LRRC4C: variants seen among roughly 807,000 people sequenced by gnomAD.
LRRC4C encodes leucine rich repeat containing 4C, also known as leucine-rich repeat-containing protein 4C.
LRRC4C carries 5 observed loss-of-function variants against 33.6 expected under a neutral mutation model. The ratio of observed to expected loss-of-function variants is 0.15; its 90% CI spans 0.08 to 0.31. The LOEUF (loss-of-function observed/expected upper bound fraction) is 0.31, where lower values mean the gene tolerates loss of function less well. Ranked by LOEUF, LRRC4C falls within the 10% of genes least tolerant of loss-of-function variation. The pLI is 1.00. For synonymous variants in LRRC4C, 329 were observed against 302.0 expected (o/e 1.09, Z -0.93); for missense variants, 560 against 796.7 (o/e 0.70, Z 3.58).
intron 1 of LRRC4C, among the ~76,000 whole-genome samples, chr11:41,416,373 A>G (rs185706366): frequency 3.2e-4 from 49 of 152,156 alleles, no homozygotes; most frequent in Non-Finnish European, 6.2e-4. Context: ...AGTACAATGA[A>G]GAAATTGAGG....
chr11:41,401,093 T>C (rs1444214470), intron 1 of LRRC4C, among the ~76,000 whole-genome samples: 3 of 151,998 alleles, frequency 2.0e-5, no homozygotes, highest in East Asian at 3.9e-4. Flanking sequence ...GAAGATATGT[T>C]TTAGAAGGAA....
intron 1 of LRRC4C, among the ~76,000 whole-genome samples, chr11:41,449,570 C>T (rs1364030766): frequency 6.6e-6 from 1 of 151,842 alleles, no homozygotes; most frequent in Non-Finnish European, 1.5e-5. Context: ...GGAACCATAC[C>T]CAGGCCCAGA....
At chr11:40,420,588 A>C (rs533165940) in intron 3 of LRRC4C, among the ~76,000 whole-genome samples, 7 of 152,342 alleles carry the variant, frequency 4.6e-5, no homozygotes, top group Admixed American at 2.6e-4. Flanking sequence ...CATCTGGCAG[A>C]GAAACTGAGT....
At chr11:41,151,683 T>G (rs1944006276) in intron 1 of LRRC4C, among the ~76,000 whole-genome samples, 1 of 152,150 alleles carries the variant, frequency 6.6e-6, no homozygotes, top group Non-Finnish European at 1.5e-5. Context: ...ACAGTATATA[T>G]TCTGTCAACA....
At chr11:40,766,497 C>A (rs1949470706) in intron 2 of LRRC4C, among the ~76,000 whole-genome samples, 1 of 150,572 alleles carries the variant, frequency 6.6e-6, no homozygotes, top group Non-Finnish European at 1.5e-5. Context: ...CTACTTATGT[C>A]TTGATTATAA....
intron 1 of LRRC4C, among the ~76,000 whole-genome samples, chr11:41,030,250 T>A (rs764404091): frequency 2.6e-5 from 4 of 151,870 alleles, no homozygotes; most frequent in Non-Finnish European, 5.9e-5. Flanking sequence ...TGCATTTTCA[T>A]TCATTATTTT....
chr11:40,529,701 A>C (rs184146080), intron 3 of LRRC4C, among the ~76,000 whole-genome samples: 8 of 152,296 alleles, frequency 5.3e-5, no homozygotes, highest in Admixed American at 5.2e-4. Flanking sequence ...AAAACACTGC[A>C]TTGAACTTAT....
intron 1 of LRRC4C, among the ~76,000 whole-genome samples, chr11:41,095,293 C>A (rs1473072988): frequency 6.6e-6 from 1 of 152,104 alleles, no homozygotes; most frequent in Non-Finnish European, 1.5e-5. Flanking sequence ...GGGGGAAAAT[C>A]CACCCCCATA....
At chr11:40,587,742 T>A (rs1383830198) in intron 3 of LRRC4C, among the ~76,000 whole-genome samples, 1 of 152,008 alleles carries the variant, frequency 6.6e-6, no homozygotes, top group Non-Finnish European at 1.5e-5. Flanking sequence ...ATCATGTGGT[T>A]TTTGTCTTTG....
intron 3 of LRRC4C, among the ~76,000 whole-genome samples, chr11:40,375,842 C>A (rs1480476734): frequency 1.3e-5 from 2 of 152,098 alleles, no homozygotes; most frequent in African/African-American, 4.8e-5. Flanking sequence ...AACTAGGAAA[C>A]CTGGTTTCAA....
intron 4 of LRRC4C, among the ~76,000 whole-genome samples, chr11:40,274,127 C>T (rs1047777795): frequency 6.6e-6 from 1 of 151,944 alleles, no homozygotes; most frequent in African/African-American, 2.4e-5. Flanking sequence ...TTTCTGTGGT[C>T]ACAAAGAATG....
chr11:41,048,258 T>C (rs1269939060), intron 1 of LRRC4C, among the ~76,000 whole-genome samples: 2 of 106,586 alleles, frequency 1.9e-5, no homozygotes, highest in African/African-American at 3.7e-5. Context: ...TTAGATTCTT[T>C]ACTTTTTTTT....
At chr11:40,430,309 C>T (rs901489361) in intron 3 of LRRC4C, among the ~76,000 whole-genome samples, 3 of 151,938 alleles carry the variant, frequency 2.0e-5, no homozygotes, top group African/African-American at 7.3e-5. Flanking sequence ...TATTAATGTC[C>T]TAGAAGAAAG....
rs547246768 is a variant in LRRC4C, at chr11:40,809,750, A to G, written c.-407+123885T>C. Among the ~76,000 whole-genome samples the G allele has an allele frequency of 2.0e-5, 3 of 152,330 alleles. No homozygotes were observed. The South Asian group carries it at 6.2e-4, about 32-fold the overall frequency. On this transcript the variant is annotated intron_variant, in intron 2 of 6. Coordinates refer to ENST00000528697, the MANE Select transcript of LRRC4C (RefSeq NM_001258419.2). ...TAATTTATTGTCTCTATATTGCCAG[A>G]TCCTGGCATCATGCCTTACAAAGTG...
intron 3 of LRRC4C, among the ~76,000 whole-genome samples, chr11:40,450,239 G>C (rs1191704427): frequency 2.0e-5 from 3 of 152,118 alleles, no homozygotes; most frequent in Admixed American, 2.0e-4. Flanking sequence ...TTCATTCTCA[G>C]TAGTGGTAAC....
chr11:41,399,510 C>A (rs1953947233), intron 1 of LRRC4C, among the ~76,000 whole-genome samples: 1 of 151,848 alleles, frequency 6.6e-6, no homozygotes, highest in African/African-American at 2.4e-5. Context: ...AGAAGAAAAA[C>A]CAAATAATTT....
chr11:41,021,620 C>A (rs1855991560), intron 1 of LRRC4C, among the ~76,000 whole-genome samples: 1 of 152,010 alleles, frequency 6.6e-6, no homozygotes, highest in Admixed American at 6.6e-5. Context: ...ATACAGCCCC[C>A]ATGAATGCCT....
chr11:40,416,323 AGAT>A (rs1411568096), intron 3 of LRRC4C, among the ~76,000 whole-genome samples: 1 of 152,162 alleles, frequency 6.6e-6, no homozygotes, highest in Non-Finnish European at 1.5e-5. Flanking sequence ...TGGGATAAAA[AGAT>A]GAGCAGGAGT....
chr11:41,331,965 C>T (rs1407687471), intron 1 of LRRC4C, among the ~76,000 whole-genome samples: 1 of 152,146 alleles, frequency 6.6e-6, no homozygotes, highest in Non-Finnish European at 1.5e-5. Context: ...CCATGATAAC[C>T]CCTTATTTTT....
Sources: allele counts gnomAD v4.1 joint callset (sites outside exome capture counted in the v4.1 genomes callset), GRCh38; gene constraint gnomAD v4.1.1; transcripts MANE v1.5; gene names NCBI Gene and HGNC (gene_info 2026-07-23, HGNC 2026-07-21).